COPA: variants seen among roughly 807,000 people sequenced by gnomAD.
COPA encodes the protein coat protein complex I subunit alpha.
In COPA, 10 loss-of-function variants were observed where a neutral mutation model predicts 158.7. The ratio of observed to expected loss-of-function variants is 0.06; its 90% CI spans 0.04 to 0.11. COPA has a LOEUF of 0.11. Ranked by LOEUF, COPA falls within the 10% of genes least tolerant of loss-of-function variation. The pLI is 1.00. For missense variants in COPA, 1,065 were observed against 1,536.7 expected (o/e 0.69, Z 5.13); for synonymous variants, 462 against 542.8 (o/e 0.85, Z 2.07).
At chr1:160,341,540 A>C (rs1254764842) in intron 1 of COPA, among the ~76,000 whole-genome samples, 2 of 152,258 alleles carry the variant, frequency 1.3e-5, no homozygotes, top group African/African-American at 4.8e-5. Flanking sequence ...CAGGAATAGA[A>C]TATGTGCACT....
chr1:160,334,476 A>AG (rs1647670897), intron 4 of COPA, among the ~76,000 whole-genome samples: 1 of 152,190 alleles, frequency 6.6e-6, no homozygotes, highest in Non-Finnish European at 1.5e-5. Flanking sequence ...TATCTTATTG[A>AG]GTGGTTATCA....
rs1346738074 is a variant in COPA, at chr1:160,310,175, C to G, written c.1143+17G>C. ...GGAAAATGAGGAGAACCTAGGAGGG[C>G]TCCACAGGTTACTTACTGTACAAAG... On this transcript the variant is annotated intron_variant, in intron 12 of 32. Coordinates refer to ENST00000241704, the MANE Select transcript of COPA (RefSeq NM_004371.4). 1.3e-6 allele frequency: 2 copies of G among 1,524,028 alleles called. No homozygotes were observed. The highest frequency in any genetic ancestry group is 2.8e-5 in the African/African-American group (2 of 70,730). The allele number at this position is 1,524,028 out of a possible 1,614,324, so 94.4% of individuals were successfully genotyped here.
At position 160,297,446 on chromosome 1, in the gene COPA, A is replaced by G. The variant is rs781508953; in HGVS notation, c.2168-8T>C. 2 of 1,614,002 alleles carry G rather than the reference A, an allele frequency of 1.2e-6. No individual in the cohort carries two copies. Among genetic ancestry groups the G allele is most frequent in the South Asian group, 1.1e-5 (1 of 91,062 alleles). ...TGTCCTTTCTGATCTCAGCTGCACC[A>G]AGTAAGAGACACCAAGTTAGGTCTT... is the stretch of plus-strand genomic sequence containing the variant. On this transcript the variant is annotated splice_polypyrimidine_tract_variant and splice_region_variant and intron_variant, in intron 20 of 32. Coordinates refer to ENST00000241704, the MANE Select transcript of COPA (RefSeq NM_004371.4).
chr1:160,323,147 A>C (rs139260366), intron 8 of COPA, among the ~76,000 whole-genome samples: 1 of 152,174 alleles, frequency 6.6e-6, no homozygotes, highest in Non-Finnish European at 1.5e-5. Context: ...CACATGTGGA[A>C]GCTAAAAAGT....
intron 17 of COPA, 189 bp downstream of exon 17, chr1:160,305,244 A>G (rs1404801377): frequency 1.5e-5 from 8 of 536,286 alleles, no homozygotes; most frequent in Non-Finnish European, 2.3e-5. Flanking sequence ...GTAATTGTCT[A>G]TATTTGTTTT....
chr1:160,300,622 C>A (rs1486828889), intron 17 of COPA, among the ~76,000 whole-genome samples: 1 of 152,072 alleles, frequency 6.6e-6, no homozygotes, highest in Non-Finnish European at 1.5e-5. Flanking sequence ...AAATACATTA[C>A]TTTGCTTTAT....
chr1:160,301,494 C>T (rs535971861), intron 17 of COPA, among the ~76,000 whole-genome samples: 2 of 152,110 alleles, frequency 1.3e-5, no homozygotes, highest in South Asian at 2.1e-4. Flanking sequence ...ATATTTAGGC[C>T]GGGCATGGTG....
chr1:160,323,400 G>A, intron 8 of COPA, 31 bp downstream of exon 8: 1 of 1,554,868 alleles, frequency 6.4e-7, no homozygotes, highest in Non-Finnish European at 8.8e-7. Flanking sequence ...CAGTTTCTTA[G>A]ATATGGCGAT....
Position 160,290,049 on chromosome 1 carries a change from G to T in COPA, c.*108C>A. 9.8e-7 allele frequency: 1 copy of T among 1,021,806 alleles called. No homozygotes were observed. Among genetic ancestry groups the T allele is most frequent in the Non-Finnish European group, 1.5e-6 (1 of 668,292 alleles). The allele number at this position is 1,021,806 out of a possible 1,614,324, so 63.3% of individuals were successfully genotyped here. ...GATACTAGGTTTTAGGGTACAGAGAGCCAGATCTGAAGAGTAGCTGCAGGG... is the reference window on the plus strand; with the variant it reads ...GATACTAGGTTTTAGGGTACAGAGATCCAGATCTGAAGAGTAGCTGCAGGG... On this transcript the variant is annotated 3_prime_UTR_variant, in exon 33 of 33. Transcript: ENST00000241704.
intron 10 of COPA, among the ~76,000 whole-genome samples, chr1:160,312,333 A>G (rs542083387): frequency 2.6e-5 from 4 of 152,328 alleles, no homozygotes; most frequent in African/African-American, 9.6e-5. Context: ...TCTATCACCC[A>G]CATTGTAACA....
rs886645695 is a variant in COPA at position 160,340,162 on chromosome 1, C to G, written c.154+19G>C. ...ATAAATACTTATACTCCTTTAACTT[C>G]CTCCTAGAAATATCTCACCATCATG... On this transcript the variant is annotated intron_variant, in intron 2 of 32. Coordinates refer to ENST00000241704, the MANE Select transcript of COPA (RefSeq NM_004371.4). 1.3e-6 allele frequency: 2 copies of G among 1,576,262 alleles called. No individual in the cohort carries two copies. The highest frequency in any genetic ancestry group is 1.7e-6 in the Non-Finnish European group (2 of 1,146,460).
At position 160,340,497 on chromosome 1, in the gene COPA, G is replaced by C. The variant is rs1647986676; in HGVS notation, c.41-203C>G. ...GTCATATTCCTTTACATATTCTTGG[G>C]CTTTGCTCTAGGATACAATTAAGTT... On this transcript the variant is annotated intron_variant, in intron 1 of 32. Transcript: ENST00000241704. 2.0e-5 allele frequency among the ~76,000 whole-genome samples: 3 copies of C among 152,064 alleles called. No homozygotes were observed. In the South Asian group the frequency reaches 6.2e-4, roughly 32 times the overall value.
chr1:160,337,801 C>T (rs1647846950), intron 3 of COPA, among the ~76,000 whole-genome samples: 1 of 151,428 alleles, frequency 6.6e-6, no homozygotes, highest in South Asian at 2.1e-4. Flanking sequence ...CACCTACCAG[C>T]TAATAAAGAA....
intron 27 of COPA, among the ~76,000 whole-genome samples, 197 bp from the exon 28 acceptor site, chr1:160,292,817 T>C (rs996222841): frequency 2.6e-5 from 4 of 152,212 alleles, no homozygotes; most frequent in Non-Finnish European, 5.9e-5. Flanking sequence ...TAAATAAACG[T>C]TAGCAGTTAT....
chr1:160,305,980 C>A (rs903337201), intron 15 of COPA: 3 of 598,410 alleles, frequency 5.0e-6, no homozygotes, highest in Middle Eastern at 4.5e-4. Context: ...CTTCCTCAAC[C>A]CCCTCTCCCT....
intron 1 of COPA, among the ~76,000 whole-genome samples, chr1:160,342,487 T>G (rs1356316357): frequency 6.6e-6 from 1 of 152,176 alleles, no homozygotes; most frequent in African/African-American, 2.4e-5. Context: ...CCAGATAAAT[T>G]TGAACTTCTG....
At chr1:160,321,729 A>G (rs1360057179) in intron 8 of COPA, among the ~76,000 whole-genome samples, 1 of 152,220 alleles carries the variant, frequency 6.6e-6, no homozygotes, top group Non-Finnish European at 1.5e-5. Context: ...GGGAGGTTTC[A>G]GTAAGCCAAG....
intron 23 of COPA, among the ~76,000 whole-genome samples, 191 bp downstream of exon 23, chr1:160,295,545 A>C (rs1277495017): frequency 4.5e-4 from 69 of 152,206 alleles, no homozygotes; most frequent in Admixed American, 4.4e-3. Context: ...CTATTTTCCA[A>C]ATTTTCTTTA....
chr1:160,319,360 C>T (rs1004912546), intron 8 of COPA, among the ~76,000 whole-genome samples: 1 of 151,490 alleles, frequency 6.6e-6, no homozygotes, highest in African/African-American at 2.4e-5. Flanking sequence ...TCTGTGCACC[C>T]AACACCAAAG....
Sources: gnomAD v4.1 joint callset for allele counts (sites outside exome capture counted in the v4.1 genomes callset) on GRCh38, gnomAD v4.1.1 for gene constraint, MANE v1.5 for transcripts, NCBI Gene and HGNC (gene_info 2026-07-23, HGNC 2026-07-21) for gene names.